Variants in R3HDM2 observed in about 807,000 individuals in gnomAD.
The protein encoded by R3HDM2 is R3H domain containing 2.
Under a neutral mutation model 124.5 loss-of-function variants are expected in R3HDM2, and 38 were observed. The observed-to-expected ratio is 0.31, with a 90% confidence interval of 0.24 to 0.40. The LOEUF is 0.40. Among genes scored for constraint, R3HDM2 ranks in the 10% least tolerant of loss-of-function variants. R3HDM2 has a pLI of 1.00. For synonymous variants in R3HDM2, 391 were observed against 448.0 expected, an observed-to-expected ratio of 0.87 and a Z score of 1.61; for missense variants, 869 against 1,236.9, an observed-to-expected ratio of 0.70 and a Z score of 4.46.
Position 57,354,911 on chromosome 12 carries a change from A to C in R3HDM2, c.-36+40838T>G, listed in dbSNP as rs559381326. 2.8e-4 allele frequency among the ~76,000 whole-genome samples: 42 copies of C among 151,272 alleles called. No individual in the cohort carries two copies. The South Asian group carries it at 8.7e-3, about 31-fold the overall frequency. On this transcript the variant is annotated intron_variant, in intron 2 of 23. Coordinates refer to ENST00000402412, the MANE Select transcript of R3HDM2 (RefSeq NM_001394031.1). ...ATGATCACAGCTCACTGCAGCCTCGACCTCTCAGACTCAAGCGATTCTCCC... is the reference window on the plus strand; with the variant it reads ...ATGATCACAGCTCACTGCAGCCTCGCCCTCTCAGACTCAAGCGATTCTCCC...
intron 2 of R3HDM2, among the ~76,000 whole-genome samples, chr12:57,380,094 G>A (rs193227763): frequency 6.6e-6 from 1 of 152,246 alleles, no homozygotes; most frequent in Admixed American, 6.5e-5. Context: ...GTAATAGGAT[G>A]TAACAGAAAG....
intron 2 of R3HDM2, among the ~76,000 whole-genome samples, chr12:57,369,282 A>C (rs2063028375): frequency 6.6e-6 from 1 of 152,170 alleles, no homozygotes; most frequent in African/African-American, 2.4e-5. Flanking sequence ...TGTCATAGGA[A>C]TTTGGAAAAT....
intron 3 of R3HDM2, among the ~76,000 whole-genome samples, chr12:57,307,002 G>A (rs753871706): frequency 5.3e-5 from 8 of 152,056 alleles, no homozygotes; most frequent in Non-Finnish European, 1.2e-4. Context: ...GTGACAGAGC[G>A]AGACTCCATT....
chr12:57,269,361 T>G lies in R3HDM2; in HGVS notation c.1676A>C (p.Gln559Pro), dbSNP rs1198236787. The G allele has an allele frequency of 6.2e-7, 1 of 1,614,158 alleles. No individual in the cohort carries two copies. The highest frequency in any genetic ancestry group is 1.7e-5 in the Admixed American group (1 of 60,022). Residue 559 changes from glutamine (Q) to proline (P), a missense_variant, in exon 16 of 24, where the codon CAA (glutamine) becomes CCA (proline). Gln to Pro is a moderately conservative substitution (Grantham distance 76). Transcript: ENST00000402412. ...PLSHPVAYSP[Q>P]RGQQLPQPSQ... ...TGGCTGAGGCAGCTGCTGACCACGTTGGGGGCTATAGGCCACCGGGTGAGA... is the reference window on the plus strand; with the variant it reads ...TGGCTGAGGCAGCTGCTGACCACGTGGGGGGCTATAGGCCACCGGGTGAGA...
At chr12:57,415,368 G>A (rs928764746) in intron 1 of R3HDM2, 4 of 151,930 alleles carry the variant, frequency 2.6e-5, no homozygotes, top group African/African-American at 9.7e-5. Context: ...CCTGACCAAG[G>A]ATAACATGCA....
At chr12:57,322,521 C>T (rs1394505527) in intron 2 of R3HDM2, among the ~76,000 whole-genome samples, 2 of 152,132 alleles carry the variant, frequency 1.3e-5, no homozygotes, top group Admixed American at 6.6e-5. Flanking sequence ...CAACTCATAT[C>T]CACCAAGTGC....
rs191967940 is a variant in R3HDM2, at chr12:57,331,637, T to A, written c.-35-21174A>T. Among the ~76,000 whole-genome samples the A allele has an allele frequency of 3.0e-4, 46 of 152,000 alleles. 1 individual carries two copies. In the East Asian group the frequency reaches 8.7e-3, roughly 29 times the overall value. On this transcript the variant is annotated intron_variant, in intron 2 of 23. Transcript: ENST00000402412. ...ATAGGGAAACTCTGTCTCTGTAAAA[T>A]TTTTTTATGGCTCACGCCTGTAATC...
chr12:57,319,228 G>T (rs1021824418), intron 2 of R3HDM2, among the ~76,000 whole-genome samples: 7 of 152,024 alleles, frequency 4.6e-5, no homozygotes, highest in African/African-American at 1.7e-4. Flanking sequence ...TAGAGAAGGG[G>T]TTTCACCATG....
At chr12:57,425,954 G>A (rs1264704617) in intron 1 of R3HDM2, among the ~76,000 whole-genome samples, 2 of 152,186 alleles carry the variant, frequency 1.3e-5, no homozygotes, top group East Asian at 1.9e-4. Context: ...TAGGTCAGGC[G>A]CGGTGGCTCA....
chr12:57,407,719 T>A (rs2068655566), intron 1 of R3HDM2, among the ~76,000 whole-genome samples: 1 of 152,074 alleles, frequency 6.6e-6, no homozygotes, highest in South Asian at 2.1e-4. Flanking sequence ...ATTATTATTT[T>A]AAACGGGCAA....
chr12:57,355,981 C>G (rs2061247685), intron 2 of R3HDM2, among the ~76,000 whole-genome samples: 1 of 152,282 alleles, frequency 6.6e-6, no homozygotes, highest in East Asian at 1.9e-4. Context: ...TTTTATGATA[C>G]TCTACATACA....
At chr12:57,337,437 C>T (rs1179489629) in intron 2 of R3HDM2, among the ~76,000 whole-genome samples, 1 of 152,082 alleles carries the variant, frequency 6.6e-6, no homozygotes, top group Non-Finnish European at 1.5e-5. Context: ...AGGTATGAGC[C>T]ACCGTGCCCA....
At chr12:57,345,585 G>A (rs758181838) in intron 2 of R3HDM2, among the ~76,000 whole-genome samples, 1 of 151,952 alleles carries the variant, frequency 6.6e-6, no homozygotes, top group African/African-American at 2.4e-5. Flanking sequence ...TCAGGCTGGA[G>A]TGCAGTGGCA....
At chr12:57,427,355 CTTT>C (rs147527242) in intron 1 of R3HDM2, among the ~76,000 whole-genome samples, 3 of 140,048 alleles carry the variant, frequency 2.1e-5, no homozygotes, top group Non-Finnish European at 4.6e-5. Context: ...TCTCCTGAAG[CTTT>C]TTTTTTTTTG....
At chr12:57,429,680 T>C (rs1223429433) in intron 1 of R3HDM2, among the ~76,000 whole-genome samples, 1 of 144,504 alleles carries the variant, frequency 6.9e-6, no homozygotes, top group African/African-American at 2.6e-5. Flanking sequence ...ACCACTACAC[T>C]CCATTCTGGG....
intron 2 of R3HDM2, among the ~76,000 whole-genome samples, chr12:57,329,693 C>T (rs763505895): frequency 2.0e-5 from 3 of 151,722 alleles, no homozygotes; most frequent in Non-Finnish European, 4.4e-5. Context: ...AGGAGAATCG[C>T]TTGAACCAGG....
chr12:57,281,060 A>C (rs1415159520), intron 13 of R3HDM2, among the ~76,000 whole-genome samples: 1 of 152,104 alleles, frequency 6.6e-6, no homozygotes, highest in Admixed American at 6.6e-5. Context: ...AGGCGGGTGG[A>C]TCACCTGAGG....
At chr12:57,271,995 A>T (rs1263286081) in intron 14 of R3HDM2, among the ~76,000 whole-genome samples, 2 of 151,940 alleles carry the variant, frequency 1.3e-5, no homozygotes, top group African/African-American at 4.8e-5. Context: ...CTCAGGTTCA[A>T]GCGATTCTCC....
chr12:57,313,883 A>G (rs1242352738), intron 2 of R3HDM2, among the ~76,000 whole-genome samples: 3 of 73,242 alleles, frequency 4.1e-5, no homozygotes, highest in Non-Finnish European at 8.6e-5. Flanking sequence ...CCTGTCTCTG[A>G]AAAAAAAAAA....
Sources: allele counts gnomAD v4.1 joint callset (sites outside exome capture counted in the v4.1 genomes callset), GRCh38; gene constraint gnomAD v4.1.1; transcripts MANE v1.5; gene names NCBI Gene and HGNC (gene_info 2026-07-23, HGNC 2026-07-21).